The following ARHGAP42 variants were observed in gnomAD, a reference collection of about 807,000 sequenced individuals.
ARHGAP42 encodes the protein Rho GTPase activating protein 42.
A neutral mutation model predicts 125.0 loss-of-function variants in ARHGAP42; 63 were observed. The observed-to-expected ratio is 0.50, with a 90% CI of 0.41 to 0.62. ARHGAP42 has a LOEUF of 0.62. Ranked by LOEUF, ARHGAP42 falls within the 20% of genes least tolerant of loss-of-function variation. ARHGAP42 has a pLI of 0.00. For missense variants in ARHGAP42, 766 were observed against 1,024.2 expected (o/e 0.75, Z 3.44); for synonymous variants, 339 against 351.0 (o/e 0.97, Z 0.38).
chr11:100,890,247 C>T (rs1866186918), intron 4 of ARHGAP42, among the ~76,000 whole-genome samples: 1 of 152,140 alleles, frequency 6.6e-6, no homozygotes, highest in Non-Finnish European at 1.5e-5. Flanking sequence ...GCTCTCTCAG[C>T]CAGCTCCTGA....
chr11:100,713,511 CCA>C (rs1170433975), intron 1 of ARHGAP42, among the ~76,000 whole-genome samples: 3 of 152,246 alleles, frequency 2.0e-5, no homozygotes, highest in African/African-American at 7.2e-5. Context: ...ACTATCTTTG[CCA>C]CACAGGTTTA....
rs180872981 is a variant in ARHGAP42 at position 100,755,467 on chromosome 11, C to T, written c.155-14876C>T. Among the ~76,000 whole-genome samples, 133 of 152,332 alleles carry T rather than the reference C, an allele frequency of 8.7e-4. 1 individual carries two copies. The highest frequency in any genetic ancestry group is 2.9e-3 in the African/African-American group (122 of 41,560). ...ATGTACATCTCTTCTCATGAGTTTT[C>T]GTCCTGAAAATACAGAGAGATATTA... On this transcript the variant is annotated intron_variant, in intron 1 of 23. Coordinates refer to ENST00000298815, the MANE Select transcript of ARHGAP42 (RefSeq NM_152432.4).
intron 2 of ARHGAP42, among the ~76,000 whole-genome samples, chr11:100,786,751 C>T (rs1863445197): frequency 6.6e-6 from 1 of 152,156 alleles, no homozygotes; most frequent in Non-Finnish European, 1.5e-5. Flanking sequence ...TTAATGCTAA[C>T]AATCTGGAGC....
chr11:100,717,322 GA>G (rs542163837), intron 1 of ARHGAP42, among the ~76,000 whole-genome samples: 1 of 151,866 alleles, frequency 6.6e-6, no homozygotes, highest in African/African-American at 2.4e-5. Flanking sequence ...ACTACTATTA[GA>G]AAAAAAATTG....
At chr11:100,955,376 G>A (rs1433260675) in intron 12 of ARHGAP42, among the ~76,000 whole-genome samples, 2 of 152,146 alleles carry the variant, frequency 1.3e-5, no homozygotes, top group African/African-American at 4.8e-5. Flanking sequence ...ACAGAATTTG[G>A]TAGTAGTTGT....
intron 1 of ARHGAP42, among the ~76,000 whole-genome samples, chr11:100,716,329 A>C (rs1220260019): frequency 2.0e-5 from 3 of 152,202 alleles, no homozygotes; most frequent in African/African-American, 7.2e-5. Context: ...TTCACTGTGA[A>C]GGACGTTTTT....
rs1027051371 is a variant in ARHGAP42, at chr11:100,770,365, A to G, written c.177A>G (p.Lys59=). The G allele has an allele frequency of 6.5e-7, 1 of 1,550,016 alleles. No homozygotes were observed. The highest frequency in any genetic ancestry group is 8.7e-7 in the Non-Finnish European group (1 of 1,146,616). The part of the protein sequence containing the change: ...ALRNLSMAVQ[K]FSQSLQDFQF... The stretch of plus-strand genomic sequence containing the variant: ...CAGATCTGTCTATGGCAGTGCAGAA[A>G]TTTTCCCAGTCATTGCAAGATTTCC... The change falls in exon 2 of 24, where the codon AAA becomes AAG. Residue 59 remains lysine, a synonymous_variant. Transcript: ENST00000298815.
rs201532750 is a variant in ARHGAP42 at position 100,687,789 on chromosome 11, G to A, written c.111G>A (p.Lys37=). The change falls in exon 1 of 24, where the codon AAG becomes AAA. Residue 37 remains lysine (K), a synonymous_variant. Coordinates refer to ENST00000298815, the MANE Select transcript of ARHGAP42 (RefSeq NM_152432.4). The part of the protein sequence containing the change: ...IELERTNKFI[K]ELIKDGSLLI... ...TGGAGCGAACCAACAAGTTCATCAA[G>A]GAGCTCATTAAGGACGGCTCTCTGC... 2.1e-3 allele frequency: 3,265 copies of A among 1,550,944 alleles called. 6 individuals are homozygous for A. The highest frequency in any genetic ancestry group is 2.6e-3 in the Non-Finnish European group (3,020 of 1,146,528).
At chr11:100,942,321 A>G (rs2155445) in intron 9 of ARHGAP42, among the ~76,000 whole-genome samples, 22,711 of 152,126 alleles carry the variant, frequency 0.15, 1,947 homozygotes, top group East Asian at 0.25. Context: ...GCATACTGTT[A>G]ACCAAAATGC....
At chr11:100,905,354 T>C (rs1791450321) in intron 4 of ARHGAP42, among the ~76,000 whole-genome samples, 1 of 152,224 alleles carries the variant, frequency 6.6e-6, no homozygotes, top group Non-Finnish European at 1.5e-5. Context: ...CCTTCACATA[T>C]GATTAGATTA....
chr11:100,875,985 G>A (rs1159567441), intron 4 of ARHGAP42, among the ~76,000 whole-genome samples: 1 of 151,578 alleles, frequency 6.6e-6, no homozygotes, highest in Non-Finnish European at 1.5e-5. Flanking sequence ...AGAGCATGTG[G>A]CCCACAAAAT....
At chr11:100,953,058 C>T (rs987072878) in intron 12 of ARHGAP42, among the ~76,000 whole-genome samples, 1 of 152,102 alleles carries the variant, frequency 6.6e-6, no homozygotes, top group Non-Finnish European at 1.5e-5. Flanking sequence ...GTGTTAAGTG[C>T]TTAAATCAGT....
chr11:100,779,485 T>TATATACACAC lies in ARHGAP42; in HGVS notation c.250+9048_250+9049insTATACACACA, dbSNP rs1312550660. On this transcript the variant is annotated intron_variant, in intron 2 of 23. Transcript: ENST00000298815. ...AAAAAAAAATATATATATATATATA[T>TATATACACAC]ACACACACACACATATATACACGTA... 2.8e-4 allele frequency among the ~76,000 whole-genome samples: 23 copies of TATATACACAC among 81,424 alleles called. No individual in the cohort carries two copies. The South Asian group carries it at 2.8e-3, about 10-fold the overall frequency. 53.4% of individuals were successfully genotyped at this position (81,424 alleles called of 152,430 possible).
At chr11:100,843,626 T>C (rs534563376) in intron 3 of ARHGAP42, among the ~76,000 whole-genome samples, 3 of 152,206 alleles carry the variant, frequency 2.0e-5, no homozygotes, top group South Asian at 2.1e-4. Flanking sequence ...AAGATTAATG[T>C]ACACAAATCA....
chr11:100,969,686 T>G (rs1031670754), intron 17 of ARHGAP42, among the ~76,000 whole-genome samples: 1 of 152,218 alleles, frequency 6.6e-6, no homozygotes, highest in African/African-American at 2.4e-5. Context: ...CTCTATTTGA[T>G]GAAACATTGC....
intron 3 of ARHGAP42, among the ~76,000 whole-genome samples, chr11:100,818,035 C>G (rs1167004547): frequency 6.6e-6 from 1 of 152,128 alleles, no homozygotes; most frequent in Non-Finnish European, 1.5e-5. Flanking sequence ...CATATTGGCT[C>G]CAATAGTCTG....
intron 12 of ARHGAP42, among the ~76,000 whole-genome samples, chr11:100,954,833 T>C (rs1857763011): frequency 6.6e-6 from 1 of 152,294 alleles, no homozygotes; most frequent in South Asian, 2.1e-4. Flanking sequence ...CCAGTAGGTA[T>C]CATGAACACT....
intron 3 of ARHGAP42, among the ~76,000 whole-genome samples, chr11:100,826,620 A>G (rs1864520140): frequency 1.3e-5 from 2 of 152,160 alleles, no homozygotes; most frequent in Admixed American, 1.3e-4. Flanking sequence ...ATTAACAGTA[A>G]TAGTTGAAGT....
intron 2 of ARHGAP42, among the ~76,000 whole-genome samples, chr11:100,776,895 A>G (rs889109319): frequency 6.6e-6 from 1 of 151,226 alleles, no homozygotes; most frequent in African/African-American, 2.4e-5. Flanking sequence ...AGGCAGGAGA[A>G]CCACTTGAAC....
Sources: gnomAD v4.1 joint callset for allele counts (sites outside exome capture counted in the v4.1 genomes callset) on GRCh38, gnomAD v4.1.1 for gene constraint, MANE v1.5 for transcripts, NCBI Gene and HGNC (gene_info 2026-07-23, HGNC 2026-07-21) for gene names.